Variants in ECHDC1 observed in about 807,000 individuals in gnomAD.
ECHDC1 encodes ethylmalonyl-CoA decarboxylase.
Under a neutral mutation model 29.7 loss-of-function variants are expected in ECHDC1, and 29 were observed. That is an observed-to-expected ratio of 0.98 (90% confidence interval 0.73 to 1.33). The LOEUF (loss-of-function observed/expected upper bound fraction) is 1.33. Among genes scored for constraint, ECHDC1 ranks in the 40% most tolerant of loss-of-function variants. The probability of loss-of-function intolerance (pLI) is 0.00; values close to 1 mark genes in which losing one functional copy is unlikely to be tolerated. For missense variants in ECHDC1, 328 were observed against 350.0 expected (o/e 0.94, Z 0.50); for synonymous variants, 126 against 123.1 (o/e 1.02, Z -0.15).
chr6:127,317,920 T>C (rs1782529256), intron 3 of ECHDC1: 1 of 152,228 alleles, frequency 6.6e-6, no homozygotes, highest in African/African-American at 2.4e-5. Flanking sequence ...CCAACACTGA[T>C]TAACTTCTGA....
chr6:127,317,736 ACACT>A (rs1444362865), intron 3 of ECHDC1: 1 of 152,144 alleles, frequency 6.6e-6, no homozygotes, highest in Non-Finnish European at 1.5e-5. Flanking sequence ...CAATTCTCCC[ACACT>A]CAGTTAGTTA....
chr6:127,321,928 A>C (rs1372750382), intron 3 of ECHDC1, among the ~76,000 whole-genome samples: 1 of 152,092 alleles, frequency 6.6e-6, no homozygotes, highest in Non-Finnish European at 1.5e-5. Context: ...GCTTGAACCC[A>C]GGAGGTGGAG....
rs768816873 is a variant in ECHDC1 at position 127,289,930 on chromosome 6, G to A, written c.845C>T (p.Thr282Ile). 6.2e-7 allele frequency: 1 copy of A among 1,613,502 alleles called. No homozygotes were observed. The highest frequency in any genetic ancestry group is 1.7e-5 in the Admixed American group (1 of 59,940). Residue 282 changes from threonine (T) to isoleucine (I), a missense_variant, in exon 6 of 6, where the codon ACA becomes ATA. Physicochemically the swap from Thr to Ile is moderately conservative, Grantham distance 89. Transcript: ENST00000454859. ...TAAATTTGCAGGCCCACCCCAAACT[G>A]TTCCTAAAAGATCTCTTTCGTTCTG... ...ALQNERDLLG[T>I]VWGGPANLEA... is the part of the protein sequence containing the mutation.
chr6:127,322,857 T>C (rs1028293874), intron 3 of ECHDC1, among the ~76,000 whole-genome samples: 3 of 152,102 alleles, frequency 2.0e-5, no homozygotes, highest in Non-Finnish European at 4.4e-5. Context: ...GTCTATTATA[T>C]CATTCTGTCT....
chr6:127,331,151 CTT>C (rs35842645), intron 1 of ECHDC1, 121 bp from the exon 2 acceptor site: 56,397 of 538,836 alleles, frequency 0.1, no homozygotes, highest in East Asian at 0.13. Context: ...TTCCCCATTT[CTT>C]TTTTTTTTTT....
chr6:127,304,058 T>A (rs1320865964), intron 5 of ECHDC1, among the ~76,000 whole-genome samples: 2 of 152,132 alleles, frequency 1.3e-5, no homozygotes, highest in Admixed American at 6.5e-5. Flanking sequence ...ATAGGCAGTA[T>A]CCAGGGGGTG....
rs1202761293 is a variant in ECHDC1 at position 127,290,095 on chromosome 6, A to G, written c.680T>C (p.Leu227Ser). ...ALNIGMVEEV[L>S]QSSDETKSLE... The stretch of plus-strand genomic sequence containing the variant: ...AGATTTAGTTTCATCTGAAGACTGC[A>G]AGACCTCTTCAACCATTCCTATGTT... The change falls in exon 6 of 6, where the codon TTG becomes TCG. Residue 227 changes from leucine (L) to serine (S), a missense_variant. Coordinates refer to ENST00000454859, the MANE Select transcript of ECHDC1 (RefSeq NM_001002030.2). The G allele has an allele frequency of 3.1e-6, 5 of 1,613,742 alleles. No individual in the cohort carries two copies. Among genetic ancestry groups the G allele is most frequent in the Non-Finnish European group, 4.2e-6 (5 of 1,179,778 alleles).
intron 1 of ECHDC1, chr6:127,342,900 A>T (rs946479161): frequency 3.9e-5 from 6 of 152,704 alleles, no homozygotes; most frequent in African/African-American, 1.4e-4. Flanking sequence ...CGATACAAGT[A>T]AGAAAAGTTT....
chr6:127,308,864 C>A (rs1454264582), intron 5 of ECHDC1, among the ~76,000 whole-genome samples: 2 of 151,948 alleles, frequency 1.3e-5, no homozygotes, highest in Non-Finnish European at 2.9e-5. Flanking sequence ...TTTACAATAG[C>A]CACACATAAA....
At chr6:127,325,862 G>A (rs1181589999) in intron 3 of ECHDC1, among the ~76,000 whole-genome samples, 1 of 151,850 alleles carries the variant, frequency 6.6e-6, no homozygotes, top group African/African-American at 2.4e-5. Flanking sequence ...CAGCACACCC[G>A]GCTAATTTTT....
chr6:127,335,762 T>C (rs1199630532), intron 1 of ECHDC1, among the ~76,000 whole-genome samples: 1 of 152,122 alleles, frequency 6.6e-6, no homozygotes, highest in Non-Finnish European at 1.5e-5. Context: ...AAGCAACTAA[T>C]AAGGAAAGTG....
At chr6:127,342,307 G>T (rs1298371813) in intron 1 of ECHDC1, 2 of 1,519,914 alleles carry the variant, frequency 1.3e-6, no homozygotes, top group Admixed American at 4.2e-5. Context: ...TAAGAATCTG[G>T]CCACAAATCA....
Position 127,289,703 on chromosome 6 carries a change from G to T in ECHDC1, c.*166C>A. The T allele has an allele frequency of 1.4e-6, 1 of 709,062 alleles. No individual in the cohort carries two copies. The highest frequency in any genetic ancestry group is 2.2e-6 in the Non-Finnish European group (1 of 458,902). The allele number at this position is 709,062 out of a possible 1,614,324, so 43.9% of individuals were successfully genotyped here. On this transcript the variant is annotated 3_prime_UTR_variant, in exon 6 of 6. Transcript: ENST00000454859. ...CAGTAAATACCCAAGTGAGTAATTGGCAAGAAATGAGGTAAATGAGTTCAG... is the reference window on the plus strand; with the variant it reads ...CAGTAAATACCCAAGTGAGTAATTGTCAAGAAATGAGGTAAATGAGTTCAG...
intron 1 of ECHDC1, chr6:127,331,954 C>T: frequency 1.2e-6 from 1 of 828,056 alleles, no homozygotes; most frequent in Middle Eastern, 6.1e-4. Flanking sequence ...TTAATTTTTA[C>T]CTCCTGAGTA....
intron 5 of ECHDC1, among the ~76,000 whole-genome samples, chr6:127,311,923 G>A (rs952750184): frequency 1.3e-5 from 2 of 151,814 alleles, no homozygotes; most frequent in Admixed American, 1.3e-4. Flanking sequence ...TAACATTTGG[G>A]GAAACTGATT....
Position 127,315,642 on chromosome 6 carries a change from A to T in ECHDC1, c.417-746T>A, listed in dbSNP as rs74857183. On this transcript the variant is annotated intron_variant, in intron 4 of 5. Coordinates refer to ENST00000454859, the MANE Select transcript of ECHDC1 (RefSeq NM_001002030.2). ...TGCTCCCATGTAGAAAGGATTATTT[A>T]AAAAAATAATAACTTCAGATTTATC... is the stretch of plus-strand genomic sequence containing the variant. 21 of 267,780 alleles carry T rather than the reference A, an allele frequency of 7.8e-5. No individual in the cohort carries two copies. In the East Asian group the frequency reaches 2.1e-3, roughly 26 times the overall value. 16.6% of individuals were successfully genotyped at this position (267,780 alleles called of 1,614,324 possible).
At chr6:127,334,721 C>T (rs1243963497) in intron 1 of ECHDC1, among the ~76,000 whole-genome samples, 1 of 152,034 alleles carries the variant, frequency 6.6e-6, no homozygotes, top group Non-Finnish European at 1.5e-5. Context: ...ATTGTTCTTT[C>T]CTCCCTCATT....
chr6:127,342,439 G>A, intron 1 of ECHDC1: 1 of 1,500,270 alleles, frequency 6.7e-7, no homozygotes, highest in Non-Finnish European at 9.0e-7. Flanking sequence ...TGATTATACA[G>A]TCGCCTTTCA....
intron 1 of ECHDC1, 122 bp downstream of exon 1, chr6:127,343,214 C>G (rs1244353523): frequency 6.6e-6 from 1 of 152,224 alleles, no homozygotes; most frequent in Non-Finnish European, 1.5e-5. Flanking sequence ...GCCGGGGAGG[C>G]TCGCCGTCTG....
Sources: allele counts gnomAD v4.1 joint callset (sites outside exome capture counted in the v4.1 genomes callset), GRCh38; gene constraint gnomAD v4.1.1; transcripts MANE v1.5; gene names NCBI Gene and HGNC (gene_info 2026-07-23, HGNC 2026-07-21).